The following NTM variants were observed in gnomAD, a reference collection of about 807,000 sequenced individuals.
The protein encoded by NTM is IgLON family member 2.
Under a neutral mutation model 42.1 loss-of-function variants are expected in NTM, and 13 were observed. The observed-to-expected ratio is 0.31, with a 90% CI of 0.20 to 0.49. NTM has a LOEUF of 0.49. Among genes scored for constraint, NTM ranks in the 20% least tolerant of loss-of-function variants. The pLI is 0.99. For synonymous variants in NTM, 187 were observed against 179.2 expected, an observed-to-expected ratio of 1.04 and a Z score of -0.35; for missense variants, 373 against 452.8, an observed-to-expected ratio of 0.82 and a Z score of 1.60.
intron 2 of NTM, among the ~76,000 whole-genome samples, chr11:132,096,132 C>T (rs1382192292): frequency 1.3e-5 from 2 of 152,210 alleles, no homozygotes; most frequent in African/African-American, 4.8e-5. Flanking sequence ...CAACACCATT[C>T]CATTGACTTT....
At chr11:132,261,421 C>T (rs1283815525) in intron 4 of NTM, among the ~76,000 whole-genome samples, 1 of 152,182 alleles carries the variant, frequency 6.6e-6, no homozygotes, top group African/African-American at 2.4e-5. Context: ...CGGCTCACAG[C>T]ACTGCAGCTT....
intron 1 of NTM, among the ~76,000 whole-genome samples, chr11:131,442,507 G>T (rs1949702940): frequency 6.6e-6 from 1 of 152,104 alleles, no homozygotes. Flanking sequence ...GGCTTCTAGT[G>T]TACCCATCAA....
chr11:131,641,295 G>T (rs1167197351), intron 1 of NTM, among the ~76,000 whole-genome samples: 3 of 152,186 alleles, frequency 2.0e-5, no homozygotes, highest in African/African-American at 4.8e-5. Context: ...CACTAATGTT[G>T]CTCAGCCTTA....
chr11:131,768,069 G>A (rs1319052805), intron 1 of NTM, among the ~76,000 whole-genome samples: 1 of 151,082 alleles, frequency 6.6e-6, no homozygotes, highest in Non-Finnish European at 1.5e-5. Flanking sequence ...CATGATTAGA[G>A]TTTCAGCCTT....
chr11:131,504,700 T>C (rs900517769), intron 1 of NTM, among the ~76,000 whole-genome samples: 6 of 152,124 alleles, frequency 3.9e-5, no homozygotes, highest in African/African-American at 1.4e-4. Context: ...CATGGCCATC[T>C]GGGTGTCAGC....
At chr11:131,686,957 G>A (rs551239165) in intron 1 of NTM, among the ~76,000 whole-genome samples, 65 of 152,296 alleles carry the variant, frequency 4.3e-4, no homozygotes, top group Non-Finnish European at 6.8e-4. Context: ...GTGAAGCGGC[G>A]CCCTGGTGGG....
intron 1 of NTM, among the ~76,000 whole-genome samples, chr11:131,431,910 C>G (rs1043439874): frequency 2.6e-5 from 4 of 152,156 alleles, no homozygotes; most frequent in Non-Finnish European, 5.9e-5. Context: ...CCCCCACACC[C>G]AACCACCACG....
intron 2 of NTM, among the ~76,000 whole-genome samples, chr11:132,051,234 T>G (rs2078814660): frequency 6.6e-6 from 1 of 152,196 alleles, no homozygotes; most frequent in African/African-American, 2.4e-5. Context: ...CCAGACACCG[T>G]TCTGACTGCT....
intron 1 of NTM, among the ~76,000 whole-genome samples, chr11:131,415,833 C>A (rs1946886280): frequency 6.6e-6 from 1 of 152,202 alleles, no homozygotes; most frequent in Non-Finnish European, 1.5e-5. Flanking sequence ...CTTAGTGGTA[C>A]ATGGGTTAAT....
intron 1 of NTM, among the ~76,000 whole-genome samples, chr11:131,626,770 C>T (rs992843963): frequency 6.6e-6 from 1 of 152,196 alleles, no homozygotes; most frequent in Admixed American, 6.5e-5. Flanking sequence ...CTTCCATGGC[C>T]CAGTTCTCCC....
At chr11:131,575,919 GAGC>G (rs2057886220) in intron 1 of NTM, among the ~76,000 whole-genome samples, 1 of 152,186 alleles carries the variant, frequency 6.6e-6, no homozygotes, top group African/African-American at 2.4e-5. Context: ...ACCTTAAAAG[GAGC>G]AGAAGTGCAA....
At chr11:132,032,510 A>G (rs1330286741) in intron 2 of NTM, among the ~76,000 whole-genome samples, 1 of 152,152 alleles carries the variant, frequency 6.6e-6, no homozygotes, top group Non-Finnish European at 1.5e-5. Context: ...TGATACCTCA[A>G]TTTCAACATA....
At chr11:131,424,594 T>A (rs1041412210) in intron 1 of NTM, among the ~76,000 whole-genome samples, 1 of 127,238 alleles carries the variant, frequency 7.9e-6, no homozygotes, top group African/African-American at 3.1e-5. Flanking sequence ...TTATTTCTTT[T>A]CTTTTCTTTT....
At chr11:131,857,205 T>C (rs1320957600) in intron 1 of NTM, among the ~76,000 whole-genome samples, 1 of 152,190 alleles carries the variant, frequency 6.6e-6, no homozygotes, top group African/African-American at 2.4e-5. Flanking sequence ...CTAACTCCTT[T>C]ACTTGTCGTT....
At chr11:132,080,164 G>C (rs566497648) in intron 2 of NTM, among the ~76,000 whole-genome samples, 1 of 148,610 alleles carries the variant, frequency 6.7e-6, no homozygotes, top group South Asian at 2.2e-4. Context: ...ATGAAACTCA[G>C]GTAAGTTTTA....
At chr11:132,259,869 C>A (rs1296226759) in intron 4 of NTM, among the ~76,000 whole-genome samples, 2 of 151,922 alleles carry the variant, frequency 1.3e-5, no homozygotes, top group Non-Finnish European at 2.9e-5. Context: ...CTGCCTCAGC[C>A]TGCCAAGAAG....
chr11:131,812,580 G>A (rs1478953450), intron 1 of NTM, among the ~76,000 whole-genome samples: 1 of 152,100 alleles, frequency 6.6e-6, no homozygotes. Context: ...GAGCTACTAG[G>A]GATGCCGAGA....
intron 1 of NTM, among the ~76,000 whole-genome samples, chr11:131,845,105 T>C (rs1293859467): frequency 1.3e-5 from 2 of 152,220 alleles, no homozygotes; most frequent in South Asian, 2.1e-4. Flanking sequence ...AATGCCCTTT[T>C]TGAAGTTAAG....
At position 132,003,094 on chromosome 11, in the gene NTM, T is replaced by G. The variant is rs369372037; in HGVS notation, c.167+91446T>G. Among the ~76,000 whole-genome samples the G allele has an allele frequency of 3.9e-5, 6 of 152,136 alleles. No individual in the cohort carries two copies. The highest frequency in any genetic ancestry group is 9.7e-5 in the African/African-American group (4 of 41,410). On this transcript the variant is annotated intron_variant, in intron 2 of 8. Coordinates refer to ENST00000683400, the MANE Select transcript of NTM (RefSeq NM_001352005.2). This position sits in a 1 kb window ranked among gnomAD's most constrained non-coding sequence, Gnocchi z 6.0. ...AGATGCGCTGCCACAGTTGTGTGTG[T>G]AATTGACTTTTATAGTCAATTCTGC...
Sources: allele counts gnomAD v4.1 joint callset (sites outside exome capture counted in the v4.1 genomes callset), GRCh38; gene constraint gnomAD v4.1.1; non-coding constraint Gnocchi (gnomAD v3.1); transcripts MANE v1.5; gene names NCBI Gene and HGNC (gene_info 2026-07-23, HGNC 2026-07-21).